RESP18: variants seen among roughly 807,000 people sequenced by gnomAD.
RESP18 encodes regulated endocrine specific protein 18.
RESP18 carries 30 observed loss-of-function variants against 30.0 expected under a neutral mutation model. The observed-to-expected ratio is 1.00, with a 90% CI of 0.75 to 1.36. RESP18 has a LOEUF of 1.36. RESP18 is among the 40% of genes most tolerant of loss of function. The pLI is 0.00. For missense variants in RESP18, 320 were observed against 284.2 expected, an observed-to-expected ratio of 1.13 and a Z score of -0.91; for synonymous variants, 117 against 111.2, an observed-to-expected ratio of 1.05 and a Z score of -0.33.
At chr2:219,328,773 G>A (rs1952798635) in intron 6 of RESP18, 151 bp downstream of exon 5, 1 of 601,990 alleles carries the variant, frequency 1.7e-6, no homozygotes, top group Non-Finnish European at 3.0e-6. Context: ...GAGCAAGGGG[G>A]AGGCTGAATG....
intron 5 of RESP18, 44 bp downstream of exon 4, chr2:219,329,119 C>A (rs755702724): frequency 1.4e-5 from 21 of 1,521,154 alleles, no homozygotes; most frequent in Non-Finnish European, 1.9e-5. Flanking sequence ...CTGCCTCCCT[C>A]ATTTAAACAG....
At chr2:219,330,040 A>G (rs1952813944) in intron 3 of RESP18, among the ~76,000 whole-genome samples, 1 of 152,230 alleles carries the variant, frequency 6.6e-6, no homozygotes, top group African/African-American at 2.4e-5. Context: ...GGCAGTGATT[A>G]TCAAACTTTA....
At chr2:219,330,699 G>T (rs1952820982) in intron 3 of RESP18, 72 bp downstream of exon 2, 3 of 934,404 alleles carry the variant, frequency 3.2e-6, no homozygotes, top group Non-Finnish European at 1.6e-6. Flanking sequence ...CTACCCTCAG[G>T]TCGGATAGCC....
intron 4 of RESP18, 130 bp downstream of exon 3, chr2:219,329,506 AT>A: frequency 6.5e-7 from 1 of 1,531,662 alleles, no homozygotes; most frequent in Non-Finnish European, 8.8e-7. Flanking sequence ...TTCTCTGCTG[AT>A]TCCAAACAGG....
chr2:219,330,722 T>A, intron 3 of RESP18, 49 bp downstream of exon 2: 1 of 1,213,988 alleles, frequency 8.2e-7, no homozygotes, highest in Non-Finnish European at 1.2e-6. Context: ...TCTTCCCCCC[T>A]CCCCATCTCT....
At chr2:219,328,809 A>C in intron 6 of RESP18, 115 bp downstream of exon 5, 4 of 663,104 alleles carry the variant, frequency 6.0e-6, no homozygotes, top group Non-Finnish European at 1.1e-5. Flanking sequence ...TGCACCTCCC[A>C]TTCATCAAGG....
At chr2:219,327,795 A>G (rs188234088) in intron 6 of RESP18, among the ~76,000 whole-genome samples, 104 of 152,254 alleles carry the variant, frequency 6.8e-4, no homozygotes, top group African/African-American at 2.5e-3. Flanking sequence ...TCTTGTTTGC[A>G]TTATTCCTGG....
chr2:219,327,895 C>T (rs992796133), intron 6 of RESP18, among the ~76,000 whole-genome samples: 3 of 152,186 alleles, frequency 2.0e-5, no homozygotes, highest in African/African-American at 7.2e-5. Context: ...CCAATCCAGG[C>T]TTAGGAAGCC....
In RESP18 at chr2:219,329,227, T is replaced by C; in HGVS notation, c.491A>G (p.Asp164Gly). The C allele has an allele frequency of 6.4e-7, 1 of 1,551,648 alleles. No homozygotes were observed. The highest frequency in any genetic ancestry group is 8.7e-7 in the Non-Finnish European group (1 of 1,146,964). ...AACCACTTCGGAGGTAAAGCACTGA[T>C]CCCTGTTCACCTTGGCCAGGGGGCT... Residue 164 changes from aspartate to glycine, a missense_variant, in exon 5 of 7, where the codon GAT becomes GGT. Physicochemically the swap from Asp to Gly is moderately conservative, Grantham distance 94. Coordinates refer to ENST00000333527, the MANE Select transcript of RESP18 (RefSeq NM_001007089.4).
At chr2:219,330,698 G>A in intron 3 of RESP18, 73 bp downstream of exon 2, 1 of 923,708 alleles carries the variant, frequency 1.1e-6, no homozygotes, top group Non-Finnish European at 1.7e-6. Flanking sequence ...CCTACCCTCA[G>A]GTCGGATAGC....
At chr2:219,328,109 G>T (rs1392555200) in intron 6 of RESP18, among the ~76,000 whole-genome samples, 1 of 152,184 alleles carries the variant, frequency 6.6e-6, no homozygotes, top group Non-Finnish European at 1.5e-5. Context: ...TTTCACTTTT[G>T]CTCTCCTTAC....
chr2:219,332,219 C>T (rs574879470), intron 2 of RESP18, among the ~76,000 whole-genome samples: 1 of 152,280 alleles, frequency 6.6e-6, no homozygotes, highest in East Asian at 1.9e-4. Flanking sequence ...TTTTTCTGGC[C>T]TTTCTTGCTT....
intron 2 of RESP18, among the ~76,000 whole-genome samples, chr2:219,331,661 T>A (rs937369421): frequency 2.0e-5 from 3 of 151,770 alleles, no homozygotes; most frequent in Admixed American, 6.6e-5. Context: ...GAAGGGGAGC[T>A]GATTCTCTGA....
intron 3 of RESP18, among the ~76,000 whole-genome samples, 157 bp downstream of exon 2, chr2:219,330,614 C>T (rs543076225): frequency 4.1e-5 from 6 of 146,090 alleles, no homozygotes; most frequent in Non-Finnish European, 7.4e-5. Context: ...CCAGATCCCA[C>T]TCCTACTCCT....
intron 4 of RESP18, 79 bp downstream of exon 3, chr2:219,329,558 C>T (rs1952808102): frequency 6.5e-7 from 1 of 1,541,330 alleles, no homozygotes; most frequent in Admixed American, 2.0e-5. Context: ...CTTCTACCTG[C>T]AGTTTTAGCA....
chr2:219,328,734 C>T (rs2125106880), intron 6 of RESP18, among the ~76,000 whole-genome samples, 190 bp downstream of exon 5: 1 of 152,266 alleles, frequency 6.6e-6, no homozygotes, highest in Non-Finnish European at 1.5e-5. Flanking sequence ...CAGAGCCTTG[C>T]CTGGGTGACT....
intron 5 of RESP18, 57 bp from the exon 5 acceptor site, chr2:219,329,065 G>A: frequency 6.8e-7 from 1 of 1,481,274 alleles, no homozygotes; most frequent in Non-Finnish European, 9.2e-7. Flanking sequence ...AATCTTTTCT[G>A]CAGCGATCTG....
At chr2:219,328,800 G>A (rs1177430347) in intron 6 of RESP18, 124 bp downstream of exon 5, 3 of 647,404 alleles carry the variant, frequency 4.6e-6, no homozygotes, top group African/African-American at 1.8e-5. Context: ...TCTCTGAGCT[G>A]CACCTCCCAT....
intron 3 of RESP18, among the ~76,000 whole-genome samples, chr2:219,330,054 T>C (rs908593110): frequency 1.3e-5 from 2 of 152,206 alleles, no homozygotes; most frequent in Non-Finnish European, 2.9e-5. Flanking sequence ...AACTTTAGCA[T>C]GTGCATCAGA....
Sources: allele counts gnomAD v4.1 joint callset (sites outside exome capture counted in the v4.1 genomes callset), GRCh38; gene constraint gnomAD v4.1.1; transcripts MANE v1.5; gene names NCBI Gene and HGNC (gene_info 2026-07-23, HGNC 2026-07-21).